The following DAB1 variants were observed in gnomAD, a reference collection of about 807,000 sequenced individuals.
DAB1 encodes the protein disabled homolog 1.
Under a neutral mutation model 64.6 loss-of-function variants are expected in DAB1, and 15 were observed. The ratio of observed to expected loss-of-function variants is 0.23; its 90% CI spans 0.16 to 0.36. The LOEUF (loss-of-function observed/expected upper bound fraction) is 0.36, where lower values mean the gene tolerates loss of function less well. Ranked by LOEUF, DAB1 falls within the 10% of genes least tolerant of loss-of-function variation. DAB1 has a pLI of 1.00. For synonymous variants in DAB1, 235 were observed against 251.9 expected (o/e 0.93, Z 0.64); for missense variants, 596 against 706.7 (o/e 0.84, Z 1.78).
At chr1:57,431,951 G>A (rs933217527) in intron 7 of DAB1, among the ~76,000 whole-genome samples, 2 of 151,990 alleles carry the variant, frequency 1.3e-5, no homozygotes, top group African/African-American at 4.8e-5. Flanking sequence ...GTGAAACCCC[G>A]TCTCTACTAA....
At chr1:58,244,278 G>T (rs1019951188) in intron 4 of DAB1, among the ~76,000 whole-genome samples, 4 of 152,186 alleles carry the variant, frequency 2.6e-5, no homozygotes. Context: ...TGTAGTGATG[G>T]TGATGATGGT....
At chr1:58,483,112 T>A (rs779873707) in intron 3 of DAB1, among the ~76,000 whole-genome samples, 2 of 152,194 alleles carry the variant, frequency 1.3e-5, no homozygotes, top group Non-Finnish European at 2.9e-5. Context: ...TTTCAGAACA[T>A]GTAAGATTGC....
At chr1:57,518,198 T>C (rs1318352323) in intron 7 of DAB1, among the ~76,000 whole-genome samples, 1 of 151,292 alleles carries the variant, frequency 6.6e-6, no homozygotes, top group Non-Finnish European at 1.5e-5. Context: ...GTCATCATCA[T>C]CATCATCATC....
chr1:58,474,079 C>T (rs1176746241), intron 3 of DAB1: 1 of 476,212 alleles, frequency 2.1e-6, no homozygotes, highest in Non-Finnish European at 4.1e-6. Flanking sequence ...TAGGAATCAC[C>T]AATAAAGCAT....
intron 7 of DAB1, among the ~76,000 whole-genome samples, chr1:57,531,231 CT>C (rs1644659625): frequency 6.6e-6 from 1 of 152,144 alleles, no homozygotes. Context: ...AGCAATTAAC[CT>C]TGTGAAATTC....
intron 5 of DAB1, among the ~76,000 whole-genome samples, chr1:57,956,457 G>T (rs1259266054): frequency 6.6e-6 from 1 of 152,150 alleles, no homozygotes; most frequent in Non-Finnish European, 1.5e-5. Flanking sequence ...AAAATAGCCT[G>T]ATCTCACTCT....
intron 4 of DAB1, among the ~76,000 whole-genome samples, chr1:57,077,446 G>A (rs1198233323): frequency 6.6e-6 from 1 of 152,166 alleles, no homozygotes; most frequent in Admixed American, 6.5e-5. Context: ...TGGGGAGGAA[G>A]AAAAGAAAGA....
intron 1 of DAB1, among the ~76,000 whole-genome samples, chr1:57,421,356 A>G (rs1684868186): frequency 6.6e-6 from 1 of 152,242 alleles, no homozygotes; most frequent in South Asian, 2.1e-4. Context: ...AATGAACATG[A>G]TTAAATGTTT....
chr1:57,343,026 TTATTG>T (rs1677752438), intron 1 of DAB1, among the ~76,000 whole-genome samples: 1 of 37,990 alleles, frequency 2.6e-5, no homozygotes, highest in Non-Finnish European at 7.4e-5. Flanking sequence ...CAGCCTGCTT[TTATTG>T]TCTTATCTGG....
chr1:58,364,627 A>G (rs1317230719), intron 3 of DAB1, among the ~76,000 whole-genome samples: 2 of 152,240 alleles, frequency 1.3e-5, no homozygotes, highest in African/African-American at 4.8e-5. Context: ...GTTATATACC[A>G]CATTGTAATG....
At chr1:57,220,411 T>C (rs1349211849) in intron 2 of DAB1, among the ~76,000 whole-genome samples, 3 of 152,180 alleles carry the variant, frequency 2.0e-5, no homozygotes, top group African/African-American at 7.2e-5. Flanking sequence ...GTAACAACCA[T>C]AACCATAATT....
rs1647180587 is a variant in DAB1, at chr1:57,724,138, A to T, written n.552-74473T>A. On this transcript the variant is annotated intron_variant and non_coding_transcript_variant, in intron 6 of 20. Transcript: ENST00000485760. ...AATTGTTGGTGGTAGTTCATTCTTGATTTTAAATGTAGGATCATTCTGATT... is the reference window on the plus strand; with the variant it reads ...AATTGTTGGTGGTAGTTCATTCTTGTTTTTAAATGTAGGATCATTCTGATT... 3.3e-5 allele frequency among the ~76,000 whole-genome samples: 5 copies of T among 151,888 alleles called. No individual in the cohort carries two copies. The South Asian group carries it at 1.0e-3, about 32-fold the overall frequency.
At chr1:58,043,542 G>A (rs918029690) in intron 5 of DAB1, among the ~76,000 whole-genome samples, 1 of 152,270 alleles carries the variant, frequency 6.6e-6, no homozygotes, top group Non-Finnish European at 1.5e-5. Flanking sequence ...CATGACCCAT[G>A]ATGTCCTCAC....
At chr1:57,343,756 G>T (rs570016742) in intron 1 of DAB1, among the ~76,000 whole-genome samples, 1 of 152,148 alleles carries the variant, frequency 6.6e-6, no homozygotes, top group Admixed American at 6.5e-5. Flanking sequence ...CCGCAAGCAC[G>T]GTGTGCAGCC....
intron 6 of DAB1, among the ~76,000 whole-genome samples, chr1:57,804,213 G>T: frequency 6.6e-6 from 1 of 152,266 alleles, no homozygotes; most frequent in Admixed American, 6.5e-5. Context: ...TGAGATTCAC[G>T]GTTGGGAGGT....
At chr1:57,019,856 T>A (rs1408627331) in intron 11 of DAB1, among the ~76,000 whole-genome samples, 1 of 152,182 alleles carries the variant, frequency 6.6e-6, no homozygotes, top group African/African-American at 2.4e-5. Flanking sequence ...TAAAAAGTGT[T>A]GAAAATTGTG....
chr1:57,267,064 C>T (rs1300195657), intron 2 of DAB1, among the ~76,000 whole-genome samples: 3 of 152,054 alleles, frequency 2.0e-5, no homozygotes, highest in African/African-American at 4.8e-5. Flanking sequence ...TATAATTCTG[C>T]AGGTGTAATT....
At chr1:58,056,712 T>C (rs1336228257) in intron 5 of DAB1, among the ~76,000 whole-genome samples, 4 of 152,126 alleles carry the variant, frequency 2.6e-5, no homozygotes, top group African/African-American at 9.7e-5. Context: ...GGCTCTCTTG[T>C]TCTCTTTTGT....
chr1:57,922,934 T>A (rs1394860666), intron 5 of DAB1, among the ~76,000 whole-genome samples: 1 of 151,924 alleles, frequency 6.6e-6, no homozygotes, highest in Non-Finnish European at 1.5e-5. Flanking sequence ...CTACAGCTCT[T>A]TTCTATTCCT....
Sources: allele counts gnomAD v4.1 joint callset (sites outside exome capture counted in the v4.1 genomes callset), GRCh38; gene constraint gnomAD v4.1.1; transcripts MANE v1.5; gene names NCBI Gene and HGNC (gene_info 2026-07-23, HGNC 2026-07-21).